ST3GAL5: variants seen among roughly 807,000 people sequenced by gnomAD.
ST3GAL5 encodes the protein ST3 beta-galactoside alpha-2,3-sialyltransferase 5, also known as lactosylceramide alpha-2,3-sialyltransferase.
Under a neutral mutation model 46.1 loss-of-function variants are expected in ST3GAL5, and 25 were observed. The observed-to-expected ratio is 0.54, with a 90% confidence interval of 0.40 to 0.76. The LOEUF is 0.76. Ranked by LOEUF, ST3GAL5 falls within the 30% of genes least tolerant of loss-of-function variation. The pLI is 0.00. For missense variants in ST3GAL5, 431 were observed against 521.2 expected (o/e 0.83, Z 1.69); for synonymous variants, 182 against 192.7 (o/e 0.94, Z 0.46).
Position 85,864,827 on chromosome 2 carries a change from C to T in ST3GAL5, c.83-1342G>A, listed in dbSNP as rs149453754. Among the ~76,000 whole-genome samples, 6 of 152,304 alleles carry T rather than the reference C, an allele frequency of 3.9e-5. No homozygotes were observed. In the East Asian group the frequency reaches 1.2e-3, roughly 29 times the overall value. On this transcript the variant is annotated intron_variant, in intron 1 of 6. Transcript: ENST00000638572. ...ATAGTACCTCCCAGAATGAAGACTACATTTCCCAGTCTCCCTTGGAGCTAG... is the reference window on the plus strand; with the variant it reads ...ATAGTACCTCCCAGAATGAAGACTATATTTCCCAGTCTCCCTTGGAGCTAG...
chr2:85,852,153 T>G (rs972445170), intron 3 of ST3GAL5, among the ~76,000 whole-genome samples: 1 of 152,216 alleles, frequency 6.6e-6, no homozygotes, highest in African/African-American at 2.4e-5. Context: ...AAGGCAATGT[T>G]CTATTGCACT....
chr2:85,879,630 T>C (rs1324859494), intron 1 of ST3GAL5, among the ~76,000 whole-genome samples: 1 of 152,190 alleles, frequency 6.6e-6, no homozygotes, highest in Non-Finnish European at 1.5e-5. Flanking sequence ...ACCCCATGAA[T>C]ACCCCAAATA....
intron 3 of ST3GAL5, chr2:85,849,805 G>C (rs1683270356): frequency 6.6e-6 from 1 of 151,540 alleles, no homozygotes; most frequent in Admixed American, 6.6e-5. Flanking sequence ...TAGCAGCCTT[G>C]GAATTGGCCC....
At chr2:85,857,066 CAAAAAAAAAAAAAAAAAAA>C (rs373154047) in intron 3 of ST3GAL5, among the ~76,000 whole-genome samples, 1 of 70,896 alleles carries the variant, frequency 1.4e-5, no homozygotes, top group Non-Finnish European at 2.7e-5. Context: ...CTGCCTCTAC[CAAAAAAAAAAAAAAAAAAA>C]AAAAAAAAAA....
At chr2:85,875,328 G>A (rs1220240299) in intron 1 of ST3GAL5, 2 of 148,640 alleles carry the variant, frequency 1.3e-5, no homozygotes, top group African/African-American at 5.0e-5. Flanking sequence ...CCAAAGTACT[G>A]GAATTTGCAG....
Position 85,840,453 on chromosome 2 carries a change from G to A in ST3GAL5, c.1009-61C>T, listed in dbSNP as rs557581157. The A allele has an allele frequency of 8.2e-6, 13 of 1,586,876 alleles. No homozygotes were observed. The East Asian group carries it at 2.8e-4, about 34-fold the overall frequency. On this transcript the variant is annotated intron_variant, in intron 6 of 6. Coordinates refer to ENST00000638572, the MANE Select transcript of ST3GAL5 (RefSeq NM_003896.4). ...AAATTTTGGCACAAGTCACCATTTTGCTGGTATTACACATGCTACGCAGAG... is the reference window on the plus strand; with the variant it reads ...AAATTTTGGCACAAGTCACCATTTTACTGGTATTACACATGCTACGCAGAG...
chr2:85,886,574 G>C (rs1365823679), intron 1 of ST3GAL5, among the ~76,000 whole-genome samples: 1 of 152,086 alleles, frequency 6.6e-6, no homozygotes, highest in Admixed American at 6.5e-5. Flanking sequence ...AGTTTTGTCT[G>C]TCTGGTGTCC....
intron 6 of ST3GAL5, among the ~76,000 whole-genome samples, chr2:85,843,596 A>C (rs1682406612): frequency 6.6e-6 from 1 of 152,092 alleles, no homozygotes; most frequent in African/African-American, 2.4e-5. Flanking sequence ...TCTTTGATTT[A>C]GTAAGAGCTC....
At chr2:85,846,617 T>A (rs1682821836) in intron 4 of ST3GAL5, 54 bp from the exon 5 acceptor site, 1 of 1,553,680 alleles carries the variant, frequency 6.4e-7, no homozygotes, top group South Asian at 1.1e-5. Flanking sequence ...ATCAACCATC[T>A]CTGTACACCA....
intron 1 of ST3GAL5, among the ~76,000 whole-genome samples, chr2:85,871,218 A>T (rs1035217717): frequency 1.3e-5 from 2 of 152,038 alleles, no homozygotes; most frequent in Non-Finnish European, 1.5e-5. Context: ...TTTAATTTTT[A>T]GTAGAGACGA....
chr2:85,839,893 C>T lies in ST3GAL5; in HGVS notation c.*251G>A. On this transcript the variant is annotated 3_prime_UTR_variant, in exon 7 of 7. Transcript: ENST00000638572. ...CAATACAACATCGTTACATACAATT[C>T]TCTTTGAGAAGTCTTTCCAATTCAA... 1 of 543,888 alleles carries T rather than the reference C, an allele frequency of 1.8e-6. No homozygotes were observed. The allele number at this position is 543,888 out of a possible 1,614,324, so 33.7% of individuals were successfully genotyped here.
At chr2:85,844,701 G>T in intron 5 of ST3GAL5, 147 bp from the exon 6 acceptor site, 1 of 1,094,044 alleles carries the variant, frequency 9.1e-7, no homozygotes, top group Non-Finnish European at 1.3e-6. Context: ...GATTGCAAAA[G>T]CTACGCAAAT....
rs1256256109 is a variant in ST3GAL5 at position 85,874,499 on chromosome 2, T to C, written c.83-11014A>G. On this transcript the variant is annotated intron_variant, in intron 1 of 6. Coordinates refer to ENST00000638572, the MANE Select transcript of ST3GAL5 (RefSeq NM_003896.4). ...TTCCTCTGCTGCCTCTCTGGATGGC[T>C]CCCTCCCCACCATCTCCGTTCTGGT... Among the ~76,000 whole-genome samples the C allele has an allele frequency of 2.0e-5, 3 of 152,026 alleles. No homozygotes were observed. The East Asian group carries it at 5.8e-4, about 29-fold the overall frequency.
chr2:85,885,913 C>G (rs1254353124), intron 1 of ST3GAL5, among the ~76,000 whole-genome samples: 1 of 152,042 alleles, frequency 6.6e-6, no homozygotes, highest in Non-Finnish European at 1.5e-5. Flanking sequence ...ATGGACCTAT[C>G]AGAAATGCAG....
chr2:85,848,459 C>T lies in ST3GAL5; in HGVS notation c.319-255G>A, dbSNP rs11694145. 0.27 allele frequency: 383,735 copies of T among 1,400,010 alleles called. 54,030 individuals are homozygous for T. Among genetic ancestry groups the T allele is most frequent in the East Asian group, 0.42 (13,914 of 32,920 alleles). The allele number at this position is 1,400,010 out of a possible 1,614,324, so 86.7% of individuals were successfully genotyped here. ...GCACAGGCAAAGCAAGAAGGACTCC[C>T]GCCTCCCACCCCCAGCCTAACACTG... On this transcript the variant is annotated intron_variant, in intron 3 of 6. Transcript: ENST00000638572.
Position 85,870,678 on chromosome 2 carries a change from CT to C in ST3GAL5, c.83-7194del, listed in dbSNP as rs898048174. ...TTTTAAAATGATAAATAATCGTACA[CT>C]TTTTTTTTTTTTTTGAGACGGAGTT... On this transcript the variant is annotated intron_variant, in intron 1 of 6. Transcript: ENST00000638572. 1.8e-3 allele frequency among the ~76,000 whole-genome samples: 263 copies of C among 143,840 alleles called. 4 individuals carry two copies. The highest frequency in any genetic ancestry group is 4.2e-3 in the East Asian group (21 of 5,010). The allele number at this position is 143,840 out of a possible 152,430, so 94.4% of individuals were successfully genotyped here. A position where few individuals can be genotyped will look rare whatever the true frequency, so the allele number is the denominator to read the frequency against.
chr2:85,846,728 C>T (rs964174101), intron 4 of ST3GAL5, 165 bp from the exon 5 acceptor site: 25 of 656,972 alleles, frequency 3.8e-5, no homozygotes, highest in Middle Eastern at 8.3e-4. Flanking sequence ...TCTAGGATTT[C>T]GAGGAATGCA....
At chr2:85,847,112 A>G (rs139913571) in intron 4 of ST3GAL5, among the ~76,000 whole-genome samples, 172 of 152,250 alleles carry the variant, frequency 1.1e-3, no homozygotes, top group African/African-American at 4.0e-3. Flanking sequence ...ATTTTTAAAC[A>G]GTGAAACCAA....
intron 1 of ST3GAL5, among the ~76,000 whole-genome samples, chr2:85,872,536 T>C (rs1309681627): frequency 6.6e-6 from 1 of 151,210 alleles, no homozygotes; most frequent in African/African-American, 2.4e-5. Flanking sequence ...TGAGCCGAGA[T>C]TGTGCCACTG....
Sources: gnomAD v4.1 joint callset for allele counts (sites outside exome capture counted in the v4.1 genomes callset) on GRCh38, gnomAD v4.1.1 for gene constraint, MANE v1.5 for transcripts, NCBI Gene and HGNC (gene_info 2026-07-23, HGNC 2026-07-21) for gene names.